Variants in PAPOLG observed in about 807,000 individuals in gnomAD.
PAPOLG encodes PAP-gamma.
PAPOLG carries 40 observed loss-of-function variants against 99.0 expected under a neutral mutation model. The ratio of observed to expected loss-of-function variants is 0.40; its 90% CI spans 0.31 to 0.53. The LOEUF is 0.53. PAPOLG is among the 20% of genes least tolerant of loss of function. The pLI, the probability that PAPOLG is intolerant of heterozygous loss-of-function variation, is 0.41. For synonymous variants in PAPOLG, 310 were observed against 299.3 expected (o/e 1.04, Z -0.37); for missense variants, 675 against 884.1 (o/e 0.76, Z 3.00).
rs1274595891 is a variant in PAPOLG at position 60,779,571 on chromosome 2, A to G, written c.695-66A>G. On this transcript the variant is annotated intron_variant, in intron 8 of 21. Coordinates refer to ENST00000238714, the MANE Select transcript of PAPOLG (RefSeq NM_022894.4). Reference sequence around the variant, plus strand: ...GATATTCATTCACCTTGTAAAGAGCAGAAAAAAAAAGAATGTCACAGATAG... The same window carrying G: ...GATATTCATTCACCTTGTAAAGAGCGGAAAAAAAAAGAATGTCACAGATAG... The G allele has an allele frequency of 4.0e-6, 6 of 1,492,916 alleles. No individual in the cohort carries two copies. In the African/African-American group the frequency reaches 5.6e-5, roughly 14 times the overall value. 92.5% of individuals were successfully genotyped at this position (1,492,916 alleles called of 1,614,324 possible).
rs1191059433 is a variant in PAPOLG, at chr2:60,781,972, A to G, written c.994A>G (p.Thr332Ala). 1 of 1,613,958 alleles carries G rather than the reference A, an allele frequency of 6.2e-7. No individual in the cohort carries two copies. The highest frequency in any genetic ancestry group is 2.2e-5 in the East Asian group (1 of 44,842). Residue 332 changes from threonine (T) to alanine (A), a missense_variant, in exon 11 of 22, where the codon ACT (threonine) becomes GCT (alanine). Thr to Ala is a moderately conservative substitution (Grantham distance 58, BLOSUM62 0). Around this residue, in one of 3 missense-constraint regions of PAPOLG, gnomAD observed 113 missense variants for 231.5 expected, o/e 0.49. Coordinates refer to ENST00000238714, the MANE Select transcript of PAPOLG (RefSeq NM_022894.4). Reference protein sequence around the residue: ...QNSTYNVSTSTRTVMVEEFKQ... With the variant: ...QNSTYNVSTSARTVMVEEFKQ... ...TTCTACGTATAATGTGTCCACATCA[A>G]CTCGAACAGTAATGGTAGAAGAATT...
Position 60,783,228 on chromosome 2 carries a change from G to C in PAPOLG, c.1166+19G>C, listed in dbSNP as rs1671248213. 5 of 1,478,052 alleles carry C rather than the reference G, an allele frequency of 3.4e-6. No individual in the cohort carries two copies. In the South Asian group the frequency reaches 6.5e-5, roughly 19 times the overall value. The allele number at this position is 1,478,052 out of a possible 1,614,324, so 91.6% of individuals were successfully genotyped here. A position where few individuals can be genotyped will look rare whatever the true frequency, so the allele number is the denominator to read the frequency against. On this transcript the variant is annotated intron_variant, in intron 13 of 21. Coordinates refer to ENST00000238714, the MANE Select transcript of PAPOLG (RefSeq NM_022894.4). Reference sequence around the variant, plus strand: ...TAGAGTGGTAAGACTTCTATTTCAAGTTTTCTACCTACTGTGTGGTGATAG... The same window carrying C: ...TAGAGTGGTAAGACTTCTATTTCAACTTTTCTACCTACTGTGTGGTGATAG...
chr2:60,794,935 T>C (rs776773860), intron 20 of PAPOLG, 29 bp from the exon 21 acceptor site: 1 of 1,609,092 alleles, frequency 6.2e-7, no homozygotes, highest in Non-Finnish European at 8.5e-7. Context: ...AAAGTTAGTT[T>C]TCACTTGTGT....
At chr2:60,782,653 CTTTTTTTT>C (rs747526129) in intron 11 of PAPOLG, 25 bp from the exon 12 acceptor site, 13 of 1,065,942 alleles carry the variant, frequency 1.2e-5, no homozygotes, top group East Asian at 1.1e-4. Flanking sequence ...CATTCTTCTT[CTTTTTTTT>C]TTTTTTTTTT....
intron 19 of PAPOLG, 57 bp downstream of exon 19, chr2:60,794,248 A>G: frequency 2.0e-6 from 3 of 1,488,688 alleles, no homozygotes; most frequent in Non-Finnish European, 2.7e-6. Flanking sequence ...AGTTAATACT[A>G]AAGAAACAAT....
At chr2:60,778,598 G>T (rs905830670) in intron 8 of PAPOLG, among the ~76,000 whole-genome samples, 2 of 152,106 alleles carry the variant, frequency 1.3e-5, no homozygotes, top group African/African-American at 4.8e-5. Flanking sequence ...TTAAATGGAC[G>T]AATCTTATGG....
chr2:60,759,689 T>C lies in PAPOLG; in HGVS notation c.18-445T>C, dbSNP rs556517072. On this transcript the variant is annotated intron_variant, in intron 1 of 21. Transcript: ENST00000238714. ...CACAAGGACCTTCTAATGGGATGTTTTCATTTCTTTCCTGGGGAAAAAAAC... is the reference window on the plus strand; with the variant it reads ...CACAAGGACCTTCTAATGGGATGTTCTCATTTCTTTCCTGGGGAAAAAAAC... 5.3e-5 allele frequency among the ~76,000 whole-genome samples: 8 copies of C among 152,366 alleles called. No individual in the cohort carries two copies. The South Asian group carries it at 1.7e-3, about 32-fold the overall frequency.
chr2:60,793,757 A>G, intron 18 of PAPOLG, 42 bp downstream of exon 18: 1 of 1,564,312 alleles, frequency 6.4e-7, no homozygotes, highest in Non-Finnish European at 8.7e-7. Flanking sequence ...TATATTTACA[A>G]AAAATTAGCT....
chr2:60,801,654 G>C lies in PAPOLG; in HGVS notation c.*4494G>C, dbSNP rs1331391898. 2 of 152,142 alleles carry C rather than the reference G, an allele frequency of 1.3e-5. No individual in the cohort carries two copies. Among genetic ancestry groups the C allele is most frequent in the Non-Finnish European group, 2.9e-5 (2 of 68,036 alleles). 9.4% of individuals were successfully genotyped at this position (152,142 alleles called of 1,614,324 possible). A position where few individuals can be genotyped will look rare whatever the true frequency, so the allele number is the denominator to read the frequency against. ...GGGTTTCAACATGTTGGCCAGGCTGGTCTCAAACTCCTGACCTCCAGTGAT... is the reference window on the plus strand; with the variant it reads ...GGGTTTCAACATGTTGGCCAGGCTGCTCTCAAACTCCTGACCTCCAGTGAT... On this transcript the variant is annotated 3_prime_UTR_variant, in exon 22 of 22. Transcript: ENST00000238714.
chr2:60,778,968 A>T (rs1671112285), intron 8 of PAPOLG, among the ~76,000 whole-genome samples: 1 of 152,068 alleles, frequency 6.6e-6, no homozygotes, highest in Admixed American at 6.6e-5. Flanking sequence ...CACCCCTGTA[A>T]TCATAGCTAC....
chr2:60,774,927 T>C, intron 7 of PAPOLG, 107 bp from the exon 8 acceptor site: 1 of 1,515,974 alleles, frequency 6.6e-7, no homozygotes, highest in Non-Finnish European at 8.8e-7. Context: ...CCCAATGTTT[T>C]ATTATCTTTC....
chr2:60,758,576 C>T (rs767084662), intron 1 of PAPOLG, among the ~76,000 whole-genome samples: 5 of 151,822 alleles, frequency 3.3e-5, no homozygotes, highest in African/African-American at 1.2e-4. Context: ...TACAGACGTC[C>T]GCCACCATGC....
intron 15 of PAPOLG, among the ~76,000 whole-genome samples, chr2:60,790,241 A>G (rs1558714910): frequency 6.6e-6 from 1 of 152,244 alleles, no homozygotes; most frequent in Non-Finnish European, 1.5e-5. Context: ...CATTCGCCAT[A>G]AATTTTTCCA....
chr2:60,771,606 A>C lies in PAPOLG; in HGVS notation c.580A>C (p.Ile194Leu). ...RDDSRLRSLDIRCIRSLNGCR... is the reference protein window; with the variant it reads ...RDDSRLRSLDLRCIRSLNGCR... The stretch of plus-strand genomic sequence containing the variant: ...CGACTCTCGCCTGAGAAGCCTTGAT[A>C]TAAGGTGTATTCGCAGCTTAAATGG... The change falls in exon 7 of 22, where the codon ATA becomes CTA. Residue 194 changes from isoleucine to leucine, a missense_variant. Ile to Leu is a conservative substitution (Grantham distance 5, BLOSUM62 2). This residue lies in a region of PAPOLG where 113 missense variants were observed against 231.5 expected (regional missense o/e 0.49). Transcript: ENST00000238714. 1 of 1,606,990 alleles carries C rather than the reference A, an allele frequency of 6.2e-7. No homozygotes were observed.
chr2:60,762,256 A>T (rs1670541814), intron 3 of PAPOLG, among the ~76,000 whole-genome samples: 1 of 151,996 alleles, frequency 6.6e-6, no homozygotes, highest in African/African-American at 2.4e-5. Flanking sequence ...CTCATGTGGG[A>T]TTCCCTTATT....
At position 60,768,472 on chromosome 2, in the gene PAPOLG, C is replaced by T. The variant is rs1170345511; in HGVS notation, c.249C>T (p.Asn83=). Reference sequence around the variant, plus strand: ...TCTTCCGCTTAATTTTATTTTAGAACCTCCCACCTTCTGTTGTGGCTACTG... The same window carrying T: ...TCTTCCGCTTAATTTTATTTTAGAATCTCCCACCTTCTGTTGTGGCTACTG... ...EWISDVSESK[N]LPPSVVATVG... The change falls in exon 4 of 22, where the codon AAC becomes AAT. Residue 83 remains asparagine (N), a splice_region_variant and synonymous_variant. Coordinates refer to ENST00000238714, the MANE Select transcript of PAPOLG (RefSeq NM_022894.4). 1 of 1,613,634 alleles carries T rather than the reference C, an allele frequency of 6.2e-7. No individual in the cohort carries two copies.
At chr2:60,786,765 G>A in intron 13 of PAPOLG, 182 bp from the exon 14 acceptor site, 1 of 224,812 alleles carries the variant, frequency 4.4e-6, no homozygotes, top group Non-Finnish European at 7.4e-6. Flanking sequence ...CCTGACCTCA[G>A]GCGATTCACC....
intron 7 of PAPOLG, among the ~76,000 whole-genome samples, chr2:60,773,117 G>C (rs149334117): frequency 0.016 from 2,508 of 152,192 alleles, 70 homozygotes; most frequent in African/African-American, 0.057. Flanking sequence ...AATAGGGACG[G>C]GGTTTCTCCA....
At chr2:60,792,343 G>A in intron 17 of PAPOLG, 54 bp downstream of exon 17, 1 of 1,489,474 alleles carries the variant, frequency 6.7e-7, no homozygotes, top group Non-Finnish European at 9.1e-7. Context: ...TTTATTTGAG[G>A]ATAATGTGAA....
Sources: allele counts gnomAD v4.1 joint callset (sites outside exome capture counted in the v4.1 genomes callset), GRCh38; gene constraint gnomAD v4.1.1; regional missense constraint gnomAD v4.1.1; transcripts MANE v1.5; gene names NCBI Gene and HGNC (gene_info 2026-07-23, HGNC 2026-07-21).